CHPF: variants seen among roughly 807,000 people sequenced by gnomAD.
CHPF encodes the protein chondroitin polymerizing factor, non-catalytic subunit.
In CHPF, 34 loss-of-function variants were observed where a neutral mutation model predicts 55.1. The observed-to-expected ratio is 0.62, with a 90% CI of 0.47 to 0.82. The LOEUF is 0.82. Among genes scored for constraint, CHPF ranks in the 40% least tolerant of loss-of-function variants. CHPF has a pLI of 0.00. For synonymous variants in CHPF, 489 were observed against 496.6 expected, an observed-to-expected ratio of 0.98 and a Z score of 0.20; for missense variants, 961 against 1,106.1, an observed-to-expected ratio of 0.87 and a Z score of 1.86.
chr2:219,541,445 A>T, intron 2 of CHPF, 171 bp downstream of exon 2: 1 of 599,146 alleles, frequency 1.7e-6, no homozygotes, highest in Non-Finnish European at 2.8e-6. Flanking sequence ...ATTGGCACAA[A>T]GGAAGATACT....
rs143397847 is a variant in CHPF, at chr2:219,539,497, C to G, written c.2214G>C (p.Ala738=). 16 of 1,613,720 alleles carry G rather than the reference C, an allele frequency of 9.9e-6. No individual in the cohort carries two copies. Among genetic ancestry groups the G allele is most frequent in the Middle Eastern group, 1.7e-4 (1 of 6,032 alleles). The change falls in exon 4 of 4, where the codon GCG becomes GCC. Residue 738 remains alanine, a synonymous_variant. Coordinates refer to ENST00000243776, the MANE Select transcript of CHPF (RefSeq NM_024536.6). ...LQRYRAQTCS[A]RLSEDLYHRC... is the part of the protein sequence containing the mutation. Reference sequence around the variant, plus strand: ...GGTGGTACAGGTCCTCACTGAGCCTCGCGCTGCACGTCTGGGCCCGGTAGC... The same window carrying G: ...GGTGGTACAGGTCCTCACTGAGCCTGGCGCTGCACGTCTGGGCCCGGTAGC...
rs1175645696 is a variant in CHPF, at chr2:219,539,829, A to G, written c.1882T>C (p.Cys628Arg). 6.2e-7 allele frequency: 1 copy of G among 1,613,590 alleles called. No individual in the cohort carries two copies. Among genetic ancestry groups the G allele is most frequent in the South Asian group, 1.1e-5 (1 of 91,092 alleles). ...CAGCCGGAGATGGCATGCATGCGGC[A>G]GCGGTTCAGGAAGTCAGGCGTGAGC... ...TVLTPDFLNR[C>R]RMHAISGWQA... The change falls in exon 4 of 4, where the codon TGC (cysteine) becomes CGC (arginine). Residue 628 changes from cysteine (C) to arginine (R), a missense_variant. Physicochemically the swap from Cys to Arg is radical, Grantham distance 180. Coordinates refer to ENST00000243776, the MANE Select transcript of CHPF (RefSeq NM_024536.6).
Position 219,540,106 on chromosome 2 carries a change from C to T in CHPF, c.1605G>A (p.Glu535=). ...TCAGGGCTGCCGCAGCATCACCAGG[C>T]TCCAGTGCTGCAGTGGCAAAGGCCT... The part of the protein sequence containing the change: ...FLEAFATAAL[E]PGDAAAALTL... Residue 535 remains glutamate, a synonymous_variant, in exon 4 of 4, where the codon GAG becomes GAA. Coordinates refer to ENST00000243776, the MANE Select transcript of CHPF (RefSeq NM_024536.6). 4.4e-6 allele frequency: 7 copies of T among 1,603,656 alleles called. No homozygotes were observed. The highest frequency in any genetic ancestry group is 6.0e-6 in the Non-Finnish European group (7 of 1,175,608).
chr2:219,541,481 C>G (rs1695267380), intron 2 of CHPF, 135 bp downstream of exon 2: 1 of 686,338 alleles, frequency 1.5e-6, no homozygotes, highest in Non-Finnish European at 2.4e-6. Flanking sequence ...TAGTAATTTA[C>G]TGGGGGTCAC....
chr2:219,542,575 AT>A (rs1170177633), intron 1 of CHPF, among the ~76,000 whole-genome samples: 1 of 152,228 alleles, frequency 6.6e-6, no homozygotes, highest in Non-Finnish European at 1.5e-5. Context: ...TCATTTCTAT[AT>A]AAATATGCCA....
Position 219,539,493 on chromosome 2 carries a change from G to A in CHPF, c.2218C>T (p.Leu740Phe), listed in dbSNP as rs768639066. Residue 740 changes from leucine (L) to phenylalanine (F), a missense_variant, in exon 4 of 4, where the codon CTC (leucine) becomes TTC (phenylalanine). Leu to Phe is a conservative substitution (Grantham distance 22). Around this residue, in one of 3 missense-constraint regions of CHPF, gnomAD observed 936 missense variants for 1,058.4 expected, o/e 0.88. Coordinates refer to ENST00000243776, the MANE Select transcript of CHPF (RefSeq NM_024536.6). ...CAGCGGTGGTACAGGTCCTCACTGA[G>A]CCTCGCGCTGCACGTCTGGGCCCGG... ...RYRAQTCSARLSEDLYHRCLQ... is the reference protein window; with the variant it reads ...RYRAQTCSARFSEDLYHRCLQ... 1.9e-6 allele frequency: 3 copies of A among 1,613,686 alleles called. No homozygotes were observed. The South Asian group carries it at 3.3e-5, about 18-fold the overall frequency.
At chr2:219,541,458 A>T (rs931502609) in intron 2 of CHPF, 158 bp downstream of exon 2, 2 of 626,994 alleles carry the variant, frequency 3.2e-6, no homozygotes, top group African/African-American at 1.9e-5. Flanking sequence ...AAGATACTGA[A>T]GCCCAGGATA....
In CHPF at chr2:219,540,815, G is replaced by A. The variant is rs866299107; in HGVS notation, c.1068+131C>T. The A allele has an allele frequency of 9.8e-6, 13 of 1,331,246 alleles. No individual in the cohort carries two copies. The Middle Eastern group carries it at 2.4e-3, about 244-fold the overall frequency. 82.5% of individuals were successfully genotyped at this position (1,331,246 alleles called of 1,614,324 possible). On this transcript the variant is annotated intron_variant, in intron 3 of 3. Coordinates refer to ENST00000243776, the MANE Select transcript of CHPF (RefSeq NM_024536.6). ...ACAGCCAAGAGGCTCATCAGAGAAT[G>A]TAGAAACAGGCAGGGGCTGGGAAGT...
Position 219,540,019 on chromosome 2 carries a change from T to C in CHPF, c.1692A>G (p.Ala564=). ...GCTCTGCCACGTGGGCCTTGACAGGTGCGAAGACATCTGCATGGGCCACGC... is the reference window on the plus strand; with the variant it reads ...GCTCTGCCACGTGGGCCTTGACAGGCGCGAAGACATCTGCATGGGCCACGC... ...AQRVAHADVF[A]PVKAHVAELE... The change falls in exon 4 of 4, where the codon GCA becomes GCG. Residue 564 remains alanine (A), a synonymous_variant. Transcript: ENST00000243776. The C allele has an allele frequency of 6.2e-7, 1 of 1,613,406 alleles. No individual in the cohort carries two copies. Among genetic ancestry groups the C allele is most frequent in the Non-Finnish European group, 8.5e-7 (1 of 1,179,924 alleles).
At chr2:219,542,923 A>C in intron 1 of CHPF, 1 of 1,220,980 alleles carries the variant, frequency 8.2e-7, no homozygotes, top group Non-Finnish European at 1.0e-6. Context: ...CCTATATATA[A>C]GTCATTTCTC....
chr2:219,539,616 C>G lies in CHPF; in HGVS notation c.2095G>C (p.Glu699Gln), dbSNP rs149014949. 2.2e-4 allele frequency: 358 copies of G among 1,613,794 alleles called. No individual in the cohort carries two copies. Among genetic ancestry groups the G allele is most frequent in the East Asian group, 2.9e-4 (13 of 44,886 alleles). The change falls in exon 4 of 4, where the codon GAG (glutamate) becomes CAG (glutamine). Residue 699 changes from glutamate (E) to glutamine (Q), a missense_variant. Physicochemically the swap from Glu to Gln is conservative, Grantham distance 29. Around this residue, in one of 3 missense-constraint regions of CHPF, gnomAD observed 936 missense variants for 1,058.4 expected, o/e 0.88. Coordinates refer to ENST00000243776, the MANE Select transcript of CHPF (RefSeq NM_024536.6). ...GRLAAASEQEEELLESLDVYE... is the reference protein window; with the variant it reads ...GRLAAASEQEQELLESLDVYE... Reference sequence around the variant, plus strand: ...ACATCCAGGCTCTCCAGCAGCTCCTCTTCTTGTTCTGAGGCTGCCGCCAGG... The same window carrying G: ...ACATCCAGGCTCTCCAGCAGCTCCTGTTCTTGTTCTGAGGCTGCCGCCAGG...
rs1052469209 is a variant in CHPF at position 219,543,706 on chromosome 2, G to C, written c.-168C>G. ...CAGCGGCCCGAGCCGAATCCCCGGA[G>C]CCGCGCCTCGATTCCCCTCCAGCAG... On this transcript the variant is annotated 5_prime_UTR_variant, in exon 1 of 4. Transcript: ENST00000243776. 2.2e-6 allele frequency: 1 copy of C among 460,728 alleles called. No homozygotes were observed. The highest frequency in any genetic ancestry group is 2.0e-5 in the African/African-American group (1 of 48,804). The allele number at this position is 460,728 out of a possible 1,614,324, so 28.5% of individuals were successfully genotyped here.
In CHPF at chr2:219,542,045, G is replaced by T. The variant is rs1695282501; in HGVS notation, c.459C>A (p.Gly153=). The change falls in exon 2 of 4, where the codon GGC becomes GGA. Residue 153 remains glycine, a synonymous_variant. Coordinates refer to ENST00000243776, the MANE Select transcript of CHPF (RefSeq NM_024536.6). ...HRLERVVFLT[G]ARGRRAPPGM... ...CAGGTGGGGCCCGGCGGCCCCGTGC[G>T]CCCGTCAGGAACACCACACGCTCCA... is the stretch of plus-strand genomic sequence containing the variant. The T allele has an allele frequency of 2.5e-6, 4 of 1,584,592 alleles. No homozygotes were observed. Among genetic ancestry groups the T allele is most frequent in the Non-Finnish European group, 3.4e-6 (4 of 1,169,918 alleles).
chr2:219,542,425 T>G (rs575166132), intron 1 of CHPF, among the ~76,000 whole-genome samples: 2 of 152,276 alleles, frequency 1.3e-5, no homozygotes, highest in South Asian at 4.1e-4. Context: ...AGGAGAGAGA[T>G]ATTGTGGGTC....
In CHPF at chr2:219,539,505, A is replaced by G. The variant is rs1317240748; in HGVS notation, c.2206T>C (p.Cys736Arg). Reference protein sequence around the residue: ...ALLQRYRAQTCSARLSEDLYH... With the variant: ...ALLQRYRAQTRSARLSEDLYH... ...AGGTCCTCACTGAGCCTCGCGCTGC[A>G]CGTCTGGGCCCGGTAGCGCTGCAGC... Residue 736 changes from cysteine (C) to arginine (R), a missense_variant, in exon 4 of 4, where the codon TGC (cysteine) becomes CGC (arginine). Physicochemically the swap from Cys to Arg is radical, Grantham distance 180. Around this residue, in one of 3 missense-constraint regions of CHPF, gnomAD observed 936 missense variants for 1,058.4 expected, o/e 0.88. Coordinates refer to ENST00000243776, the MANE Select transcript of CHPF (RefSeq NM_024536.6). 3.7e-6 allele frequency: 6 copies of G among 1,613,724 alleles called. No homozygotes were observed. The highest frequency in any genetic ancestry group is 5.1e-6 in the Non-Finnish European group (6 of 1,179,894).
rs772013755 is a variant in CHPF, at chr2:219,540,619, A to G, written c.1092T>C (p.His364=). ...CTGCCTGGTCCCCATCAACGGCCAG[A>G]TGGCTGGTATTCTGGATCTCCCACT... ...ELQWEIQNTS[H]LAVDGDQAAA... is the part of the protein sequence containing the mutation. The change falls in exon 4 of 4, where the codon CAT becomes CAC. Residue 364 remains histidine (H), a synonymous_variant. Transcript: ENST00000243776. The G allele has an allele frequency of 6.2e-7, 1 of 1,604,408 alleles. No individual in the cohort carries two copies.
chr2:219,543,034 T>G lies in CHPF; in HGVS notation c.314+191A>C, dbSNP rs1379583610. 5 of 1,356,322 alleles carry G rather than the reference T, an allele frequency of 3.7e-6. No individual in the cohort carries two copies. The South Asian group carries it at 5.4e-5, about 15-fold the overall frequency. The allele number at this position is 1,356,322 out of a possible 1,614,324, so 84.0% of individuals were successfully genotyped here. A position where few individuals can be genotyped will look rare whatever the true frequency, so the allele number is the denominator to read the frequency against. ...CCAGTAAGTTCAGCCCAGGCCGGGATAGGGCCCAGAGAAAGTCTCGGACTG... is the reference window on the plus strand; with the variant it reads ...CCAGTAAGTTCAGCCCAGGCCGGGAGAGGGCCCAGAGAAAGTCTCGGACTG... On this transcript the variant is annotated intron_variant, in intron 1 of 3. Coordinates refer to ENST00000243776, the MANE Select transcript of CHPF (RefSeq NM_024536.6).
At chr2:219,541,323 G>A in intron 2 of CHPF, 198 bp from the exon 3 acceptor site, 2 of 588,704 alleles carry the variant, frequency 3.4e-6, no homozygotes, top group Non-Finnish European at 5.7e-6. Context: ...CATGCGTCCT[G>A]TCTCAGAGCT....
chr2:219,543,150 C>A (rs756487368), intron 1 of CHPF, 75 bp downstream of exon 1: 23 of 1,371,838 alleles, frequency 1.7e-5, no homozygotes, highest in Admixed American at 1.1e-4. Flanking sequence ...CGGAGCCTGA[C>A]CCGGGCCCGG....
Sources: gnomAD v4.1 joint callset for allele counts (sites outside exome capture counted in the v4.1 genomes callset) on GRCh38, gnomAD v4.1.1 for gene constraint, gnomAD v4.1.1 regional missense constraint, MANE v1.5 for transcripts, NCBI Gene and HGNC (gene_info 2026-07-23, HGNC 2026-07-21) for gene names.